ZC2HC1B: variants seen among roughly 807,000 people sequenced by gnomAD.
ZC2HC1B encodes the protein zinc finger C2HC domain-containing protein 1B.
In ZC2HC1B, 36 loss-of-function variants were observed where a neutral mutation model predicts 31.0. The observed-to-expected ratio is 1.16, with a 90% CI of 0.89 to 1.54. ZC2HC1B has a LOEUF of 1.54. Ranked by LOEUF, ZC2HC1B falls within the 40% of genes most tolerant of loss-of-function variation. The probability of loss-of-function intolerance (pLI) is 0.00; values close to 1 mark genes in which losing one functional copy is unlikely to be tolerated. For synonymous variants in ZC2HC1B, 73 were observed against 88.0 expected, an observed-to-expected ratio of 0.83 and a Z score of 0.95; for missense variants, 260 against 268.6, an observed-to-expected ratio of 0.97 and a Z score of 0.22.
At chr6:143,893,091 A>G (rs1582959969) in intron 4 of ZC2HC1B, among the ~76,000 whole-genome samples, 1 of 152,172 alleles carries the variant, frequency 6.6e-6, no homozygotes, top group Non-Finnish European at 1.5e-5. Context: ...AAGAACATGT[A>G]AAGAACTCTT....
At chr6:143,896,024 T>C (rs1320926952) in intron 4 of ZC2HC1B, among the ~76,000 whole-genome samples, 1 of 152,226 alleles carries the variant, frequency 6.6e-6, no homozygotes, top group East Asian at 1.9e-4. Context: ...TCTCAAAATA[T>C]GTGAAGTTCA....
chr6:143,913,054 C>T lies in ZC2HC1B; in HGVS notation c.598+9902C>T, dbSNP rs1355772973. ...CAGCTGTGCTGTGGTGATGAACTGC[C>T]TCTGCCCCTGTCAACTTGGTCTCTC... On this transcript the variant is annotated intron_variant, in intron 6 of 7. Coordinates refer to ENST00000237275, the MANE Select transcript of ZC2HC1B (RefSeq NM_001013623.3). The surrounding 1 kb of genome is among the most constrained non-coding windows in gnomAD (Gnocchi z 5.7). 1.3e-5 allele frequency among the ~76,000 whole-genome samples: 2 copies of T among 152,214 alleles called. No homozygotes were observed. Among genetic ancestry groups the T allele is most frequent in the Admixed American group, 1.3e-4 (2 of 15,290 alleles).
Position 143,885,785 on chromosome 6 carries a change from C to T in ZC2HC1B, c.91-247C>T, listed in dbSNP as rs1424736447. On this transcript the variant is annotated intron_variant, in intron 2 of 7. Transcript: ENST00000237275. The surrounding 1 kb of genome is among the most constrained non-coding windows in gnomAD (Gnocchi z 4.2). ...CCCACATTTGAGTTAAATATATAAA[C>T]CCAAATTTGAAGTAAGTCTTTTAGC... 6.6e-6 allele frequency among the ~76,000 whole-genome samples: 1 copy of T among 152,158 alleles called. No homozygotes were observed. Among genetic ancestry groups the T allele is most frequent in the Non-Finnish European group, 1.5e-5 (1 of 68,028 alleles).
chr6:143,895,459 G>A lies in ZC2HC1B; in HGVS notation c.350-3093G>A, dbSNP rs140800240. Among the ~76,000 whole-genome samples the A allele has an allele frequency of 5.4e-3, 819 of 152,178 alleles. 6 individuals are homozygous for A. Among genetic ancestry groups the A allele is most frequent in the Non-Finnish European group, 7.1e-3 (483 of 68,002 alleles). ...ATTACAGGCATGAGCCACTGCACCC[G>A]GCCAGTACTAAAGAATTTATATACA... On this transcript the variant is annotated intron_variant, in intron 4 of 7. Coordinates refer to ENST00000237275, the MANE Select transcript of ZC2HC1B (RefSeq NM_001013623.3). This position sits in a 1 kb window ranked among gnomAD's most constrained non-coding sequence, Gnocchi z 4.8.
intron 5 of ZC2HC1B, among the ~76,000 whole-genome samples, chr6:143,900,507 A>G (rs989770485): frequency 2.0e-5 from 3 of 152,096 alleles, no homozygotes; most frequent in Non-Finnish European, 4.4e-5. Context: ...GAGGAAGAAA[A>G]GAGGAATTGA....
rs1777357475 is a variant in ZC2HC1B at position 143,872,774 on chromosome 6, C to T, written c.28+8207C>T. Among the ~76,000 whole-genome samples the T allele has an allele frequency of 6.6e-6, 1 of 152,160 alleles. No individual in the cohort carries two copies. The highest frequency in any genetic ancestry group is 2.4e-5 in the African/African-American group (1 of 41,422). On this transcript the variant is annotated intron_variant, in intron 1 of 7. Transcript: ENST00000237275. The surrounding 1 kb of genome is among the most constrained non-coding windows in gnomAD (Gnocchi z 5.5). ...AGATCTCATGAGACTCAATCACTAT[C>T]ATAAGAATAGCATGGGAAAGACCGG...
intron 4 of ZC2HC1B, among the ~76,000 whole-genome samples, chr6:143,891,470 G>A (rs1024781370): frequency 6.6e-6 from 1 of 152,052 alleles, no homozygotes; most frequent in Non-Finnish European, 1.5e-5. Context: ...GGAGGCCGAG[G>A]CAGGTGGATC....
At position 143,871,175 on chromosome 6, in the gene ZC2HC1B, C is replaced by T. The variant is rs1235346531; in HGVS notation, c.28+6608C>T. ...CTAAATTTTCATCAGATTTCCCATC[C>T]TCTGGCACGCAAATATCTCACCAAT... On this transcript the variant is annotated intron_variant, in intron 1 of 7. Coordinates refer to ENST00000237275, the MANE Select transcript of ZC2HC1B (RefSeq NM_001013623.3). This position sits in a 1 kb window ranked among gnomAD's most constrained non-coding sequence, Gnocchi z 4.1. Among the ~76,000 whole-genome samples, 1 of 152,170 alleles carries T rather than the reference C, an allele frequency of 6.6e-6. No individual in the cohort carries two copies. The highest frequency in any genetic ancestry group is 2.4e-5 in the African/African-American group (1 of 41,436).
chr6:143,932,953 G>T (rs1233137008), intron 6 of ZC2HC1B, among the ~76,000 whole-genome samples: 1 of 152,166 alleles, frequency 6.6e-6, no homozygotes, highest in Non-Finnish European at 1.5e-5. Context: ...CAGGCTATTG[G>T]CTGGTTCTGG....
intron 1 of ZC2HC1B, among the ~76,000 whole-genome samples, chr6:143,864,993 T>TA (rs1777239226): frequency 6.6e-6 from 1 of 152,244 alleles, no homozygotes; most frequent in Non-Finnish European, 1.5e-5. Context: ...AATTCTGTGT[T>TA]ATGAGGTGCT....
intron 6 of ZC2HC1B, among the ~76,000 whole-genome samples, chr6:143,931,995 G>C (rs1562349945): frequency 2.6e-5 from 4 of 151,560 alleles, no homozygotes; most frequent in Non-Finnish European, 4.4e-5. Flanking sequence ...CTCCCAAGTA[G>C]CTAGGATTAC....
chr6:143,889,955 T>C (rs1446951469), intron 4 of ZC2HC1B, among the ~76,000 whole-genome samples: 2 of 152,180 alleles, frequency 1.3e-5, no homozygotes, highest in Non-Finnish European at 2.9e-5. Context: ...TCATACATAA[T>C]ATGTTCTCTG....
chr6:143,900,920 C>T (rs1246696775), intron 5 of ZC2HC1B, among the ~76,000 whole-genome samples: 1 of 152,044 alleles, frequency 6.6e-6, no homozygotes, highest in African/African-American at 2.4e-5. Context: ...CTCACTGCAA[C>T]CTCCGCCTCC....
At chr6:143,901,901 G>A (rs552529750) in intron 5 of ZC2HC1B, among the ~76,000 whole-genome samples, 4 of 152,342 alleles carry the variant, frequency 2.6e-5, no homozygotes, top group African/African-American at 9.6e-5. Context: ...AAGCAGTAAA[G>A]GGTGAGTTAC....
intron 5 of ZC2HC1B, among the ~76,000 whole-genome samples, chr6:143,900,589 A>T (rs540871072): frequency 1.1e-3 from 164 of 151,556 alleles, no homozygotes; most frequent in African/African-American, 3.8e-3. Context: ...CTTGATTAAC[A>T]GGTCCTTGAA....
Position 143,870,840 on chromosome 6 carries a change from A to T in ZC2HC1B, c.28+6273A>T, listed in dbSNP as rs930723664. 3.9e-5 allele frequency among the ~76,000 whole-genome samples: 6 copies of T among 152,156 alleles called. No individual in the cohort carries two copies. The highest frequency in any genetic ancestry group is 8.8e-5 in the Non-Finnish European group (6 of 68,036). The stretch of plus-strand genomic sequence containing the variant: ...CCACTGACACCTCAAGTACCATTGG[A>T]TCTGCTGGGTCATATGGCCCAATTG... On this transcript the variant is annotated intron_variant, in intron 1 of 7. Coordinates refer to ENST00000237275, the MANE Select transcript of ZC2HC1B (RefSeq NM_001013623.3). This position sits in a 1 kb window ranked among gnomAD's most constrained non-coding sequence, Gnocchi z 4.7.
At position 143,868,626 on chromosome 6, in the gene ZC2HC1B, C is replaced by T. The variant is rs1166211171; in HGVS notation, c.28+4059C>T. ...GACACACCCAGGATCAATAACTTTGCATCCTTCTTTCCAATCAGGTTGACA... is the reference window on the plus strand; with the variant it reads ...GACACACCCAGGATCAATAACTTTGTATCCTTCTTTCCAATCAGGTTGACA... On this transcript the variant is annotated intron_variant, in intron 1 of 7. Coordinates refer to ENST00000237275, the MANE Select transcript of ZC2HC1B (RefSeq NM_001013623.3). This position sits in a 1 kb window ranked among gnomAD's most constrained non-coding sequence, Gnocchi z 4.2. Among the ~76,000 whole-genome samples the T allele has an allele frequency of 6.6e-6, 1 of 152,188 alleles. No homozygotes were observed. Among genetic ancestry groups the T allele is most frequent in the Non-Finnish European group, 1.5e-5 (1 of 68,034 alleles).
At chr6:143,876,389 T>C (rs1462935735) in intron 1 of ZC2HC1B, among the ~76,000 whole-genome samples, 1 of 150,476 alleles carries the variant, frequency 6.6e-6, no homozygotes, top group Non-Finnish European at 1.5e-5. Context: ...GTCAAATGCA[T>C]TTATTTTGTG....
chr6:143,897,470 G>A (rs540474863), intron 4 of ZC2HC1B, among the ~76,000 whole-genome samples: 1 of 151,198 alleles, frequency 6.6e-6, no homozygotes, highest in Admixed American at 6.6e-5. Context: ...AACCAATTAT[G>A]TCTGTTAATT....
Sources: allele counts gnomAD v4.1 joint callset (sites outside exome capture counted in the v4.1 genomes callset), GRCh38; gene constraint gnomAD v4.1.1; non-coding constraint Gnocchi (gnomAD v3.1); transcripts MANE v1.5; gene names NCBI Gene and HGNC (gene_info 2026-07-23, HGNC 2026-07-21).